The following TSNARE1 variants were observed in gnomAD, a reference collection of about 807,000 sequenced individuals.
TSNARE1 encodes the protein t-SNARE domain containing 1.
TSNARE1 carries 49 observed loss-of-function variants against 62.0 expected under a neutral mutation model. The ratio of observed to expected loss-of-function variants is 0.79; its 90% CI spans 0.63 to 1.00. The LOEUF is 1.00. Ranked by LOEUF, TSNARE1 falls within the 50% of genes least tolerant of loss-of-function variation. TSNARE1 has a pLI of 0.00. For synonymous variants in TSNARE1, 328 were observed against 294.4 expected, an observed-to-expected ratio of 1.11 and a Z score of -1.17; for missense variants, 755 against 700.1, an observed-to-expected ratio of 1.08 and a Z score of -0.88.
At chr8:142,392,236 G>C (rs1202153116) in intron 1 of TSNARE1, among the ~76,000 whole-genome samples, 1 of 152,020 alleles carries the variant, frequency 6.6e-6, no homozygotes, top group East Asian at 1.9e-4. Context: ...CGGCCAGACT[G>C]GTCTCAAACT....
At chr8:142,357,503 G>A (rs567272099) in intron 1 of TSNARE1, among the ~76,000 whole-genome samples, 3 of 152,374 alleles carry the variant, frequency 2.0e-5, no homozygotes, top group Admixed American at 6.5e-5. Context: ...GGGCACGTGA[G>A]GGGCTGGCAG....
chr8:142,259,064 G>A (rs922944674), intron 12 of TSNARE1, among the ~76,000 whole-genome samples: 7 of 152,200 alleles, frequency 4.6e-5, no homozygotes, highest in South Asian at 4.1e-4. Flanking sequence ...CAGCTGAGGC[G>A]TGGCACAGCC....
At chr8:142,388,960 G>T (rs960262158) in intron 1 of TSNARE1, among the ~76,000 whole-genome samples, 1 of 152,132 alleles carries the variant, frequency 6.6e-6, no homozygotes, top group African/African-American at 2.4e-5. Context: ...AACAATAAAA[G>T]GGATAAAATT....
intron 1 of TSNARE1, among the ~76,000 whole-genome samples, chr8:142,356,855 A>T: frequency 6.6e-6 from 1 of 152,138 alleles, no homozygotes; most frequent in Non-Finnish European, 1.5e-5. Context: ...GTCTGGTTCC[A>T]ACACCTGAGT....
intron 12 of TSNARE1, among the ~76,000 whole-genome samples, chr8:142,250,386 A>T (rs1240138366): frequency 6.6e-6 from 1 of 152,062 alleles, no homozygotes; most frequent in African/African-American, 2.4e-5. Context: ...GTGGGTGCCA[A>T]GGCATAATCC....
intron 4 of TSNARE1, among the ~76,000 whole-genome samples, chr8:142,342,510 C>A (rs1375415204): frequency 6.6e-6 from 1 of 152,148 alleles, no homozygotes; most frequent in African/African-American, 2.4e-5. Context: ...AGTCCCGGGG[C>A]AGGGCATGTC....
At chr8:142,329,717 G>A (rs1220519600) in intron 6 of TSNARE1, among the ~76,000 whole-genome samples, 1 of 152,220 alleles carries the variant, frequency 6.6e-6, no homozygotes, top group Non-Finnish European at 1.5e-5. Context: ...GTGTGAGGAA[G>A]GCTGGAGGGA....
intron 9 of TSNARE1, among the ~76,000 whole-genome samples, chr8:142,301,997 G>A (rs12545588): frequency 2.0e-5 from 3 of 152,202 alleles, no homozygotes; most frequent in Non-Finnish European, 2.9e-5. Flanking sequence ...ACAGTGCCAC[G>A]TGTGCCAGGC....
In TSNARE1 at chr8:142,345,209, C is replaced by T. The variant is rs1375851107; in HGVS notation, c.238+534G>A. Among the ~76,000 whole-genome samples the T allele has an allele frequency of 3.9e-5, 6 of 152,220 alleles. No individual in the cohort carries two copies. The East Asian group carries it at 5.8e-4, about 15-fold the overall frequency. ...GCTTCCTGAAGGCAGGGACAGTGCC[C>T]GACACTGCAGGTTCCCTGGTGCTGC... On this transcript the variant is annotated intron_variant, in intron 3 of 13. Transcript: ENST00000524325.
chr8:142,275,424 C>T (rs1820304672), intron 11 of TSNARE1: 5 of 985,352 alleles, frequency 5.1e-6, no homozygotes, highest in Non-Finnish European at 6.0e-6. Context: ...AAAAGCCGGG[C>T]TCGGTGGCTG....
chr8:142,276,818 G>A lies in TSNARE1; in HGVS notation c.1364-1955C>T, dbSNP rs975884124. 19 of 985,390 alleles carry A rather than the reference G, an allele frequency of 1.9e-5. No homozygotes were observed. The South Asian group carries it at 5.2e-4, about 27-fold the overall frequency. 61.0% of individuals were successfully genotyped at this position (985,390 alleles called of 1,614,324 possible). A position where few individuals can be genotyped will look rare whatever the true frequency, so the allele number is the denominator to read the frequency against. On this transcript the variant is annotated intron_variant, in intron 11 of 13. Coordinates refer to ENST00000524325, the MANE Select transcript of TSNARE1 (RefSeq NM_145003.5). ...CATGCACCGGCCACAGACCCAGGGC[G>A]GTCCCAGGGGCATTCTTAGCCAGCA... is the stretch of plus-strand genomic sequence containing the variant.
At position 142,344,136 on chromosome 8, in the gene TSNARE1, C is replaced by G. The variant is rs779817637; in HGVS notation, c.575G>C (p.Arg192Pro). The part of the protein sequence containing the change: ...VDLKHKWRDL[R>P]AVVRRKLGDL... ...GCCCAGCTTGCGCCGCACGACGGCT[C>G]GTAGGTCCCGCCACTTGTGCTTCAG... The change falls in exon 4 of 14, where the codon CGA (arginine) becomes CCA (proline). Residue 192 changes from arginine (R) to proline (P), a missense_variant. Coordinates refer to ENST00000524325, the MANE Select transcript of TSNARE1 (RefSeq NM_145003.5). The G allele has an allele frequency of 2.5e-6, 4 of 1,612,812 alleles. No individual in the cohort carries two copies. Among genetic ancestry groups the G allele is most frequent in the Admixed American group, 1.7e-5 (1 of 59,992 alleles).
intron 7 of TSNARE1, among the ~76,000 whole-genome samples, chr8:142,317,886 G>A (rs1265188995): frequency 6.6e-6 from 1 of 152,170 alleles, no homozygotes; most frequent in East Asian, 1.9e-4. Context: ...TGAACCCTGG[G>A]GGCAGAAGCT....
chr8:142,392,107 T>A (rs1470007887), intron 1 of TSNARE1, among the ~76,000 whole-genome samples: 2 of 152,210 alleles, frequency 1.3e-5, no homozygotes, highest in Non-Finnish European at 2.9e-5. Flanking sequence ...TACTGCAACC[T>A]CCGTCTCCCA....
chr8:142,222,121 T>TTCACTCACTCATCCACTCAGTCAC lies in TSNARE1; in HGVS notation c.*11+7351_*11+7352insGTGACTGAGTGGATGAGTGAGTGA. 1.9e-5 allele frequency among the ~76,000 whole-genome samples: 2 copies of TTCACTCACTCATCCACTCAGTCAC among 107,344 alleles called. 1 individual carries two copies. The highest frequency in any genetic ancestry group is 6.4e-4 in the East Asian group (2 of 3,114). The allele number at this position is 107,344 out of a possible 152,430, so 70.4% of individuals were successfully genotyped here. A position where few individuals can be genotyped will look rare whatever the true frequency, so the allele number is the denominator to read the frequency against. ...TCCACTCCACTCACTCATCCACTCATTCACTCACTCATCCACTCATTCACT... is the reference window on the plus strand; with the variant it reads ...TCCACTCCACTCACTCATCCACTCATTCACTCACTCATCCACTCAGTCACTCACTCACTCATCCACTCATTCACT... On this transcript the variant is annotated intron_variant, in intron 13 of 13. Transcript: ENST00000524325.
chr8:142,362,463 T>A (rs1835236257), intron 1 of TSNARE1, among the ~76,000 whole-genome samples: 4 of 152,224 alleles, frequency 2.6e-5, no homozygotes, highest in Admixed American at 2.6e-4. Context: ...TTTCTGCTGC[T>A]GTAACAGAAT....
At chr8:142,306,884 C>T (rs184394479) in intron 9 of TSNARE1, among the ~76,000 whole-genome samples, 7 of 152,308 alleles carry the variant, frequency 4.6e-5, no homozygotes, top group Admixed American at 3.9e-4. Context: ...AGCTCTATGA[C>T]TGCTCACAAA....
intron 12 of TSNARE1, among the ~76,000 whole-genome samples, chr8:142,266,185 T>C (rs1819126073): frequency 6.6e-6 from 1 of 152,254 alleles, no homozygotes; most frequent in Non-Finnish European, 1.5e-5. Flanking sequence ...TCTTCACCTT[T>C]AATATACTAT....
intron 5 of TSNARE1, among the ~76,000 whole-genome samples, chr8:142,331,173 C>A (rs1043385417): frequency 6.6e-6 from 1 of 152,252 alleles, no homozygotes; most frequent in African/African-American, 2.4e-5. Flanking sequence ...GAACCCCTCC[C>A]CAGCTGGCCT....
Sources: allele counts gnomAD v4.1 joint callset (sites outside exome capture counted in the v4.1 genomes callset), GRCh38; gene constraint gnomAD v4.1.1; transcripts MANE v1.5; gene names NCBI Gene and HGNC (gene_info 2026-07-23, HGNC 2026-07-21).